Variants in CACNA2D1 observed in about 807,000 individuals in gnomAD.
CACNA2D1 encodes the protein calcium voltage-gated channel auxiliary subunit alpha2delta 1.
In CACNA2D1, 53 loss-of-function variants were observed where a neutral mutation model predicts 171.5. That is an observed-to-expected ratio of 0.31 (90% CI 0.25 to 0.39). CACNA2D1 has a LOEUF of 0.39. Ranked by LOEUF, CACNA2D1 falls within the 10% of genes least tolerant of loss-of-function variation. The pLI, the probability that CACNA2D1 is intolerant of heterozygous loss-of-function variation, is 1.00. For synonymous variants in CACNA2D1, 442 were observed against 443.1 expected (o/e 1.00, Z 0.03); for missense variants, 903 against 1,299.8 (o/e 0.69, Z 4.69).
At chr7:82,002,445 A>C (rs1447215254) in intron 18 of CACNA2D1, among the ~76,000 whole-genome samples, 2 of 152,220 alleles carry the variant, frequency 1.3e-5, no homozygotes, top group Non-Finnish European at 2.9e-5. Context: ...TGAATGAACC[A>C]AGAAAATTGT....
Position 81,984,704 on chromosome 7 carries a change from A to T in CACNA2D1, c.1804T>A (p.Leu602Met). 6.5e-7 allele frequency: 1 copy of T among 1,528,972 alleles called. No individual in the cohort carries two copies. The highest frequency in any genetic ancestry group is 8.9e-7 in the Non-Finnish European group (1 of 1,118,276). The allele number at this position is 1,528,972 out of a possible 1,614,324, so 94.7% of individuals were successfully genotyped here. A position where few individuals can be genotyped will look rare whatever the true frequency, so the allele number is the denominator to read the frequency against. The change falls in exon 22 of 39, where the codon TTG becomes ATG. Residue 602 changes from leucine to methionine, a missense_variant. Physicochemically the swap from Leu to Met is conservative, Grantham distance 15. Transcript: ENST00000356860. Reference sequence around the variant, plus strand: ...TAAAAACTGTAGGTTGGTAATACCAAGGCCAAACTGCAATAGAAACAAGAG... The same window carrying T: ...TAAAAACTGTAGGTTGGTAATACCATGGCCAAACTGCAATAGAAACAAGAG... ...PVNGTDYSLA[L>M]VLPTYSFYYI...
intron 1 of CACNA2D1, among the ~76,000 whole-genome samples, chr7:82,423,831 A>G (rs959442964): frequency 6.6e-6 from 1 of 152,106 alleles, no homozygotes; most frequent in Non-Finnish European, 1.5e-5. Context: ...AGATTATGCT[A>G]CTCTGAGGCT....
intron 1 of CACNA2D1, among the ~76,000 whole-genome samples, chr7:82,352,962 A>G (rs1172528561): frequency 6.6e-6 from 1 of 152,200 alleles, no homozygotes; most frequent in Non-Finnish European, 1.5e-5. Context: ...CGATTCTGAA[A>G]CATTTAGGTT....
At position 82,093,003 on chromosome 7, in the gene CACNA2D1, T is replaced by TTTTTG. The variant is rs1315329203; in HGVS notation, c.527-8108_527-8104dup. 5.3e-5 allele frequency among the ~76,000 whole-genome samples: 8 copies of TTTTTG among 152,066 alleles called. No individual in the cohort carries two copies. In the South Asian group the frequency reaches 1.5e-3, roughly 28 times the overall value. ...ACTCCAAATTAAAGTGTGTGGTTTT[T>TTTTTG]TTTTGTTTTGTTTTCATGCATACTA... On this transcript the variant is annotated intron_variant, in intron 6 of 38. Transcript: ENST00000356860.
chr7:82,290,970 C>A (rs1237897702), intron 3 of CACNA2D1, among the ~76,000 whole-genome samples: 3 of 142,592 alleles, frequency 2.1e-5, no homozygotes, highest in African/African-American at 5.5e-5. Context: ...TTTCTACTTT[C>A]TTTTCTTTTT....
At chr7:82,394,638 A>C (rs1397655746) in intron 1 of CACNA2D1, among the ~76,000 whole-genome samples, 1 of 152,110 alleles carries the variant, frequency 6.6e-6, no homozygotes, top group Non-Finnish European at 1.5e-5. Context: ...GTAAGTTTTT[A>C]GGGGCTTTTT....
chr7:82,139,975 T>TTATTATTAA (rs1792164936), intron 4 of CACNA2D1, among the ~76,000 whole-genome samples: 1 of 146,156 alleles, frequency 6.8e-6, no homozygotes. Context: ...ATTATTATTA[T>TTATTATTAA]TAACGGTGTT....
chr7:82,244,109 G>A (rs76820661), intron 3 of CACNA2D1, among the ~76,000 whole-genome samples: 2,088 of 151,972 alleles, frequency 0.014, 83 homozygotes, highest in East Asian at 0.1. Context: ...GATAATTTGT[G>A]GGTTTTATTA....
intron 1 of CACNA2D1, among the ~76,000 whole-genome samples, chr7:82,415,958 T>C (rs1170021230): frequency 6.6e-6 from 1 of 152,072 alleles, no homozygotes; most frequent in Non-Finnish European, 1.5e-5. Flanking sequence ...CTCACACCTG[T>C]AATCCCAGCT....
intron 3 of CACNA2D1, among the ~76,000 whole-genome samples, chr7:82,231,880 T>C (rs1488664539): frequency 6.6e-6 from 1 of 152,184 alleles, no homozygotes; most frequent in Non-Finnish European, 1.5e-5. Flanking sequence ...TCATGTTATG[T>C]CATAGACATT....
At chr7:82,359,099 G>A (rs901812455) in intron 1 of CACNA2D1, among the ~76,000 whole-genome samples, 3 of 152,104 alleles carry the variant, frequency 2.0e-5, no homozygotes, top group Admixed American at 2.0e-4. Context: ...GTCCCGGGTA[G>A]CCTGATGCCA....
chr7:82,432,034 T>C (rs1248180223), intron 1 of CACNA2D1, among the ~76,000 whole-genome samples: 3 of 38,118 alleles, frequency 7.9e-5, no homozygotes, highest in Non-Finnish European at 1.3e-4. Flanking sequence ...CAAGACTCTG[T>C]CTTAAAAAAA....
intron 10 of CACNA2D1, among the ~76,000 whole-genome samples, chr7:82,059,510 C>T (rs562208262): frequency 9.9e-5 from 15 of 152,180 alleles, no homozygotes; most frequent in Non-Finnish European, 1.6e-4. Flanking sequence ...TATAATCATA[C>T]TGCCAAGTTG....
chr7:82,277,360 C>A (rs368263879), intron 3 of CACNA2D1, among the ~76,000 whole-genome samples: 51 of 152,092 alleles, frequency 3.4e-4, no homozygotes, highest in African/African-American at 1.1e-3. Flanking sequence ...CACCACCACG[C>A]CCAGATAATT....
At chr7:82,002,460 T>C (rs1798711145) in intron 18 of CACNA2D1, among the ~76,000 whole-genome samples, 2 of 152,240 alleles carry the variant, frequency 1.3e-5, no homozygotes, top group African/African-American at 4.8e-5. Context: ...AATTGTACGA[T>C]ATTAAAAAGT....
At chr7:82,287,493 CACA>C (rs1810955130) in intron 3 of CACNA2D1, among the ~76,000 whole-genome samples, 1 of 152,138 alleles carries the variant, frequency 6.6e-6, no homozygotes, top group African/African-American at 2.4e-5. Flanking sequence ...CTTTCTCATA[CACA>C]ACATCTGTCC....
At chr7:82,401,142 G>A (rs1263661677) in intron 1 of CACNA2D1, among the ~76,000 whole-genome samples, 1 of 152,194 alleles carries the variant, frequency 6.6e-6, no homozygotes, top group Admixed American at 6.5e-5. Context: ...GTGGAAGTCA[G>A]TGTGGCGATT....
At chr7:82,212,422 G>T (rs1348181658) in intron 3 of CACNA2D1, among the ~76,000 whole-genome samples, 1 of 152,126 alleles carries the variant, frequency 6.6e-6, no homozygotes, top group Non-Finnish European at 1.5e-5. Flanking sequence ...CCTACAAGGG[G>T]CAATGTTAAG....
intron 3 of CACNA2D1, among the ~76,000 whole-genome samples, chr7:82,172,013 G>A (rs1180167130): frequency 1.3e-5 from 2 of 151,974 alleles, no homozygotes; most frequent in East Asian, 3.9e-4. Flanking sequence ...TTTCTAAGCT[G>A]TTGCATAGGT....
Sources: allele counts gnomAD v4.1 joint callset (sites outside exome capture counted in the v4.1 genomes callset), GRCh38; gene constraint gnomAD v4.1.1; transcripts MANE v1.5; gene names NCBI Gene and HGNC (gene_info 2026-07-23, HGNC 2026-07-21).